The following ATRN variants were observed in gnomAD, a reference collection of about 807,000 sequenced individuals.
The protein encoded by ATRN is attractin-2.
Under a neutral mutation model 178.7 loss-of-function variants are expected in ATRN, and 54 were observed. The ratio of observed to expected loss-of-function variants is 0.30; its 90% CI spans 0.24 to 0.38. The LOEUF (loss-of-function observed/expected upper bound fraction) is 0.38, where lower values mean the gene tolerates loss of function less well. ATRN is among the 10% of genes least tolerant of loss of function. ATRN has a pLI of 1.00. For missense variants in ATRN, 1,443 were observed against 1,815.1 expected, an observed-to-expected ratio of 0.79 and a Z score of 3.73; for synonymous variants, 636 against 663.0, an observed-to-expected ratio of 0.96 and a Z score of 0.63.
chr20:3,541,170 C>T (rs1341692463), intron 3 of ATRN, among the ~76,000 whole-genome samples: 4 of 151,460 alleles, frequency 2.6e-5, no homozygotes, highest in African/African-American at 4.8e-5. Flanking sequence ...CTCCGCCTCC[C>T]GGGTTCACGC....
chr20:3,618,049 G>A (rs1479051414), intron 24 of ATRN, among the ~76,000 whole-genome samples: 1 of 152,322 alleles, frequency 6.6e-6, no homozygotes, highest in East Asian at 1.9e-4. Context: ...CCGCCCTTCA[G>A]TGGGCTATGG....
intron 25 of ATRN, among the ~76,000 whole-genome samples, chr20:3,625,640 G>A (rs943089195): frequency 1.3e-5 from 2 of 152,070 alleles, no homozygotes; most frequent in Admixed American, 1.3e-4. Flanking sequence ...GTCACACACA[G>A]GAAGGTGCTC....
At chr20:3,542,612 C>G (rs2085640588) in intron 3 of ATRN, among the ~76,000 whole-genome samples, 1 of 129,162 alleles carries the variant, frequency 7.7e-6, no homozygotes, top group African/African-American at 3.0e-5. Flanking sequence ...TCCCCCTTCC[C>G]CCTTCCCCTT....
intron 20 of ATRN, among the ~76,000 whole-genome samples, chr20:3,595,832 G>A (rs2086521490): frequency 6.6e-6 from 1 of 152,180 alleles, no homozygotes; most frequent in Admixed American, 6.5e-5. Context: ...GTGGGAGGCT[G>A]GGTTTTGCTG....
intron 24 of ATRN, among the ~76,000 whole-genome samples, chr20:3,608,374 G>C (rs1454432426): frequency 1.3e-5 from 2 of 152,112 alleles, no homozygotes; most frequent in Non-Finnish European, 1.5e-5. Context: ...ATTTAAATTT[G>C]ATTTTTGTAT....
At chr20:3,527,240 A>G (rs139735735) in intron 1 of ATRN, among the ~76,000 whole-genome samples, 2,880 of 152,286 alleles carry the variant, frequency 0.019, 97 homozygotes, top group African/African-American at 0.066. Flanking sequence ...AAAAAAGCAA[A>G]CAACCCCATC....
intron 2 of ATRN, among the ~76,000 whole-genome samples, chr20:3,535,787 C>T (rs1267438202): frequency 2.0e-5 from 3 of 151,938 alleles, no homozygotes; most frequent in South Asian, 2.1e-4. Flanking sequence ...CATGCCACCA[C>T]GCCAGGCTAA....
intron 5 of ATRN, 126 bp from the exon 6 acceptor site, chr20:3,549,044 C>G: frequency 8.9e-6 from 7 of 789,688 alleles, no homozygotes; most frequent in Non-Finnish European, 1.3e-5. Context: ...AAGGATTTGT[C>G]TGATATTTAA....
At chr20:3,495,409 T>C (rs1056523980) in intron 1 of ATRN, among the ~76,000 whole-genome samples, 1 of 152,224 alleles carries the variant, frequency 6.6e-6, no homozygotes. Context: ...TCTGTATTTT[T>C]TAAAGCTTTG....
intron 1 of ATRN, among the ~76,000 whole-genome samples, chr20:3,522,576 A>G (rs1206594357): frequency 2.0e-5 from 3 of 152,190 alleles, no homozygotes; most frequent in Admixed American, 2.0e-4. Context: ...TAAGGGACAG[A>G]CTGCCTCCTC....
chr20:3,513,489 C>T (rs1003765348), intron 1 of ATRN, among the ~76,000 whole-genome samples: 1 of 152,128 alleles, frequency 6.6e-6, no homozygotes, highest in Non-Finnish European at 1.5e-5. Flanking sequence ...GGTACCAGTA[C>T]CATGCTGTTT....
chr20:3,616,180 G>A (rs2086844953), intron 24 of ATRN, among the ~76,000 whole-genome samples: 1 of 151,914 alleles, frequency 6.6e-6, no homozygotes, highest in Non-Finnish European at 1.5e-5. Flanking sequence ...TTTTTCCCTG[G>A]GCAATCTCAT....
At chr20:3,644,432 C>T (rs555290818) in intron 28 of ATRN, among the ~76,000 whole-genome samples, 164 bp downstream of exon 28, 1 of 152,350 alleles carries the variant, frequency 6.6e-6, no homozygotes, top group Non-Finnish European at 1.5e-5. Flanking sequence ...CACCTATATG[C>T]CCAAAACTGT....
intron 26 of ATRN, among the ~76,000 whole-genome samples, chr20:3,637,509 A>C (rs556619886): frequency 2.0e-5 from 3 of 152,334 alleles, no homozygotes; most frequent in Non-Finnish European, 2.9e-5. Context: ...CCCTTCTAGA[A>C]CAGAGCCATA....
Position 3,576,953 on chromosome 20 carries a change from A to G in ATRN, c.2309A>G (p.Asn770Ser). 1 of 1,614,056 alleles carries G rather than the reference A, an allele frequency of 6.2e-7. No homozygotes were observed. The highest frequency in any genetic ancestry group is 2.2e-5 in the East Asian group (1 of 44,866). The change falls in exon 14 of 29, where the codon AAC becomes AGC. Residue 770 changes from asparagine (N) to serine (S), a missense_variant. Coordinates refer to ENST00000262919, the MANE Select transcript of ATRN (RefSeq NM_139321.3). ...TGCAGGAGCTGTGCCCTGGACCAGA[A>G]CTGCCAGTGGGAGCCCCGGAATCAG... ...TSCRSCALDQNCQWEPRNQEC... is the reference protein window; with the variant it reads ...TSCRSCALDQSCQWEPRNQEC...
At chr20:3,489,439 G>A (rs1600017589) in intron 1 of ATRN, 9 of 776,734 alleles carry the variant, frequency 1.2e-5, no homozygotes, top group Middle Eastern at 3.6e-4. Context: ...GTAGCAAAGG[G>A]TCTTTAAGAG....
rs1210699268 is a variant in ATRN, at chr20:3,493,551, T to C, written c.410+22034T>C. 2.0e-5 allele frequency among the ~76,000 whole-genome samples: 3 copies of C among 152,082 alleles called. No homozygotes were observed. In the East Asian group the frequency reaches 5.8e-4, roughly 29 times the overall value. On this transcript the variant is annotated intron_variant, in intron 1 of 28. Transcript: ENST00000262919. ...CTCAAGCGATCCTCCCAGCTCAGCC[T>C]CCCAAAGTGCTGGGATTACAGGCAT...
At chr20:3,571,658 A>G (rs369518703) in intron 11 of ATRN, among the ~76,000 whole-genome samples, 8 of 151,614 alleles carry the variant, frequency 5.3e-5, no homozygotes, top group East Asian at 1.9e-4. Flanking sequence ...GCATCTTCTC[A>G]TATGTTTAAG....
At chr20:3,532,925 G>A (rs2085474404) in intron 1 of ATRN, among the ~76,000 whole-genome samples, 1 of 152,168 alleles carries the variant, frequency 6.6e-6, no homozygotes, top group Non-Finnish European at 1.5e-5. Flanking sequence ...ACCACGCCCA[G>A]CTAATTTTTT....
Sources: gnomAD v4.1 joint callset for allele counts (sites outside exome capture counted in the v4.1 genomes callset) on GRCh38, gnomAD v4.1.1 for gene constraint, MANE v1.5 for transcripts, NCBI Gene and HGNC (gene_info 2026-07-23, HGNC 2026-07-21) for gene names.